The following GTF2F1 variants were observed in gnomAD, a reference collection of about 807,000 sequenced individuals.
GTF2F1 encodes general transcription factor IIF subunit 1.
A neutral mutation model predicts 63.5 loss-of-function variants in GTF2F1; 39 were observed. The observed-to-expected ratio is 0.61, with a 90% CI of 0.48 to 0.80. The LOEUF (loss-of-function observed/expected upper bound fraction) is 0.80, where lower values mean the gene tolerates loss of function less well. GTF2F1 is among the 30% of genes least tolerant of loss of function. GTF2F1 has a pLI of 0.00. For synonymous variants in GTF2F1, 287 were observed against 285.3 expected, an observed-to-expected ratio of 1.01 and a Z score of -0.06; for missense variants, 657 against 718.3, an observed-to-expected ratio of 0.91 and a Z score of 0.97.
chr19:6,388,065 G>C (rs917503538), intron 4 of GTF2F1, among the ~76,000 whole-genome samples: 1 of 140,030 alleles, frequency 7.1e-6, no homozygotes, highest in Admixed American at 7.0e-5. Context: ...GAGTAGCTGG[G>C]ATTACAGGTG....
chr19:6,387,322 G>A (rs937032750), intron 5 of GTF2F1, 67 bp downstream of exon 5: 48 of 1,461,796 alleles, frequency 3.3e-5, no homozygotes, highest in Admixed American at 1.9e-4. Context: ...AGGGCCTGGT[G>A]ATATATCCAT....
At position 6,383,483 on chromosome 19, in the gene GTF2F1, C is replaced by T. The variant is rs768174606; in HGVS notation, c.510G>A (p.Val170=). Residue 170 remains valine, a synonymous_variant, in exon 6 of 13, where the codon GTG becomes GTA. Transcript: ENST00000394456. This position sits in a 1 kb window ranked among gnomAD's most constrained non-coding sequence, Gnocchi z 4.5. ...AEEEWERRNK[V]LNHFSIMQQR... ...GCTGCATGATGCTGAAGTGGTTCAGCACCTTGTTCCTCCTGCGGGCCAGGC... is the reference window on the plus strand; with the variant it reads ...GCTGCATGATGCTGAAGTGGTTCAGTACCTTGTTCCTCCTGCGGGCCAGGC... 6.2e-7 allele frequency: 1 copy of T among 1,613,084 alleles called. No individual in the cohort carries two copies. The highest frequency in any genetic ancestry group is 8.5e-7 in the Non-Finnish European group (1 of 1,179,474).
intron 5 of GTF2F1, among the ~76,000 whole-genome samples, chr19:6,384,545 T>C (rs77993193): frequency 6.6e-6 from 1 of 150,582 alleles, no homozygotes; most frequent in African/African-American, 2.4e-5. Flanking sequence ...TAGGAATGCA[T>C]CTAACATGGG....
At chr19:6,391,443 T>G (rs2091997022) in intron 3 of GTF2F1, among the ~76,000 whole-genome samples, 1 of 129,754 alleles carries the variant, frequency 7.7e-6, no homozygotes, top group Non-Finnish European at 1.6e-5. Context: ...ATTTCCGTTT[T>G]TTTTTTTTTT....
rs750319008 is a variant in GTF2F1 at position 6,387,434 on chromosome 19, C to T, written c.452G>A (p.Arg151Gln). ...CTCCTCGGCAGTGAGCGTGCGATGC[C>T]GGGCCAGCGGTGTGAAATTGTACCA... ...HNWYNFTPLA[R>Q]HRTLTAEEAE... The change falls in exon 5 of 13, where the codon CGG becomes CAG. Residue 151 changes from arginine to glutamine, a missense_variant. Physicochemically the swap from Arg to Gln is conservative, Grantham distance 43. Around this residue, in one of 2 missense-constraint regions of GTF2F1, gnomAD observed 602 missense variants for 625.6 expected, o/e 0.96. Transcript: ENST00000394456. 1.7e-5 allele frequency: 28 copies of T among 1,614,112 alleles called. No individual in the cohort carries two copies. The highest frequency in any genetic ancestry group is 8.9e-5 in the East Asian group (4 of 44,898).
rs923553778 is a variant in GTF2F1, at chr19:6,381,582, C to T, written c.870G>A (p.Lys290=). 6.2e-7 allele frequency: 1 copy of T among 1,613,758 alleles called. No homozygotes were observed. Among genetic ancestry groups the T allele is most frequent in the Admixed American group, 1.7e-5 (1 of 60,030 alleles). The part of the protein sequence containing the change: ...SSQEEPESKA[K]APQQEEGPKG... ...TGGGCCCCTCCTCCTGCTGCGGCGCCTTGGCCTTGCTCTCAGGCTCTTCTT... is the reference window on the plus strand; with the variant it reads ...TGGGCCCCTCCTCCTGCTGCGGCGCTTTGGCCTTGCTCTCAGGCTCTTCTT... Residue 290 remains lysine, a synonymous_variant, in exon 8 of 13, where the codon AAG becomes AAA. Coordinates refer to ENST00000394456, the MANE Select transcript of GTF2F1 (RefSeq NM_002096.3). This position sits in a 1 kb window ranked among gnomAD's most constrained non-coding sequence, Gnocchi z 4.1.
At chr19:6,388,128 C>G (rs974144029) in intron 4 of GTF2F1, among the ~76,000 whole-genome samples, 2 of 151,986 alleles carry the variant, frequency 1.3e-5, no homozygotes, top group Non-Finnish European at 2.9e-5. Flanking sequence ...CAGGGTTTCA[C>G]CATGTTGGCC....
rs199807691 is a variant in GTF2F1, at chr19:6,383,298, C to T, written c.682+13G>A. On this transcript the variant is annotated intron_variant, in intron 6 of 12. Coordinates refer to ENST00000394456, the MANE Select transcript of GTF2F1 (RefSeq NM_002096.3). This position sits in a 1 kb window ranked among gnomAD's most constrained non-coding sequence, Gnocchi z 4.5. ...GCACCTCTGTGACCTAATGCCCAGG[C>T]GCCCGTACTCACCCTCCTCACCACT... The T allele has an allele frequency of 3.1e-4, 502 of 1,612,414 alleles. 5 individuals carry two copies. In the South Asian group the frequency reaches 5.1e-3, roughly 16 times the overall value.
In GTF2F1 at chr19:6,387,326, T is replaced by C. The variant is rs2091977429; in HGVS notation, c.497+63A>G. On this transcript the variant is annotated intron_variant, in intron 5 of 12. Coordinates refer to ENST00000394456, the MANE Select transcript of GTF2F1 (RefSeq NM_002096.3). ...GCTCCCAGCACAGGGCCTGGTGATA[T>C]ATCCATGGCAAGGCACCCCATTTCC... 4.7e-6 allele frequency: 7 copies of C among 1,490,302 alleles called. No homozygotes were observed. The Admixed American group carries it at 1.0e-4, about 22-fold the overall frequency. 92.3% of individuals were successfully genotyped at this position (1,490,302 alleles called of 1,614,324 possible).
chr19:6,387,623 C>T lies in GTF2F1; in HGVS notation c.327-64G>A, dbSNP rs967451560. On this transcript the variant is annotated intron_variant, in intron 4 of 12. Coordinates refer to ENST00000394456, the MANE Select transcript of GTF2F1 (RefSeq NM_002096.3). ...CAGCCCCAGCCCCCCCGTGTCCCCC[C>T]GGGGCCTGCCTCCTTTATGGCACTT... The T allele has an allele frequency of 2.6e-5, 35 of 1,346,914 alleles. 1 individual carries two copies. The highest frequency in any genetic ancestry group is 1.7e-4 in the African/African-American group (12 of 70,666). The allele number at this position is 1,346,914 out of a possible 1,614,324, so 83.4% of individuals were successfully genotyped here.
Position 6,392,870 on chromosome 19 carries a change from C to T in GTF2F1, c.46G>A (p.Val16Ile). 1 of 1,614,028 alleles carries T rather than the reference C, an allele frequency of 6.2e-7. No homozygotes were observed. The highest frequency in any genetic ancestry group is 8.5e-7 in the Non-Finnish European group (1 of 1,179,964). ...PSSQNVTEYVVRVPKNTTKKY... is the reference protein window; with the variant it reads ...PSSQNVTEYVIRVPKNTTKKY... ...CTGGGGACTTACTTAGGAACTCGAA[C>T]GACGTATTCAGTGACATTCTGGCTG... The change falls in exon 2 of 13, where the codon GTT (valine) becomes ATT (isoleucine). Residue 16 changes from valine to isoleucine, a missense_variant. By Grantham distance (29) the Val-to-Ile change is conservative (BLOSUM62 3). Transcript: ENST00000394456.
At position 6,391,925 on chromosome 19, in the gene GTF2F1, C is replaced by T. The variant is rs757001649; in HGVS notation, c.109G>A (p.Val37Ile). The T allele has an allele frequency of 6.3e-7, 1 of 1,583,982 alleles. No individual in the cohort carries two copies. Among genetic ancestry groups the T allele is most frequent in the Non-Finnish European group, 8.6e-7 (1 of 1,163,200 alleles). The change falls in exon 3 of 13, where the codon GTC becomes ATC. Residue 37 changes from valine (V) to isoleucine (I), a missense_variant. Val to Ile is a conservative substitution (Grantham distance 29). Around this residue, in one of 2 missense-constraint regions of GTF2F1, gnomAD observed 602 missense variants for 625.6 expected, o/e 0.96. Coordinates refer to ENST00000394456, the MANE Select transcript of GTF2F1 (RefSeq NM_002096.3). ...ACCTGATTCCACGTAGCAAAGTTGA[C>T]TTTGTCGGCTGCATTAAAAGCCATG... ...NIMAFNAADK[V>I]NFATWNQARL...
At chr19:6,384,394 A>C (rs919285233) in intron 5 of GTF2F1, among the ~76,000 whole-genome samples, 8 of 151,998 alleles carry the variant, frequency 5.3e-5, no homozygotes, top group African/African-American at 1.9e-4. Flanking sequence ...TGTAGTCCTG[A>C]CTACTCAGGA....
At position 6,392,974 on chromosome 19, in the gene GTF2F1, C is replaced by T; in HGVS notation, c.12+10G>A. ...TCGGAACCCCCGAACCCCGCCAAAT[C>T]CACACTCACTAGGGCCGCCATGGGC... On this transcript the variant is annotated intron_variant, in intron 1 of 12. Coordinates refer to ENST00000394456, the MANE Select transcript of GTF2F1 (RefSeq NM_002096.3). 1 of 1,614,168 alleles carries T rather than the reference C, an allele frequency of 6.2e-7. No individual in the cohort carries two copies. The highest frequency in any genetic ancestry group is 2.2e-5 in the East Asian group (1 of 44,882).
rs778697251 is a variant in GTF2F1, at chr19:6,380,068, G to C, written c.*213C>G. On this transcript the variant is annotated 3_prime_UTR_variant, in exon 13 of 13. Transcript: ENST00000394456. This position sits in a 1 kb window ranked among gnomAD's most constrained non-coding sequence, Gnocchi z 5.3. The stretch of plus-strand genomic sequence containing the variant: ...TAACAGGCATCTGAAGATTCCAGAA[G>C]GAAGGGCCAGAGGAGGAGATGGCTT... 85 of 606,378 alleles carry C rather than the reference G, an allele frequency of 1.4e-4. No homozygotes were observed. The highest frequency in any genetic ancestry group is 2.1e-4 in the Non-Finnish European group (71 of 340,508). The allele number at this position is 606,378 out of a possible 1,614,324, so 37.6% of individuals were successfully genotyped here.
Position 6,383,543 on chromosome 19 carries a change from G to A in GTF2F1, c.498-48C>T, listed in dbSNP as rs1411087630. The A allele has an allele frequency of 2.5e-6, 4 of 1,590,308 alleles. No homozygotes were observed. Among genetic ancestry groups the A allele is most frequent in the East Asian group, 4.5e-5 (2 of 44,582 alleles). On this transcript the variant is annotated intron_variant, in intron 5 of 12. Coordinates refer to ENST00000394456, the MANE Select transcript of GTF2F1 (RefSeq NM_002096.3). The surrounding 1 kb of genome is among the most constrained non-coding windows in gnomAD (Gnocchi z 4.5). ...CTCATGCCGGGCCTGGCACCACCCT[G>A]CATCTGTGCTTGCAGGGGGCGAGCC... is the stretch of plus-strand genomic sequence containing the variant.
At position 6,387,653 on chromosome 19, in the gene GTF2F1, T is replaced by C. The variant is rs991768400; in HGVS notation, c.327-94A>G. Reference sequence around the variant, plus strand: ...CCTGCCTCCTTTATGGCACTTGCCATAGGAGGAAGACCAAGAAATGCCCAT... The same window carrying C: ...CCTGCCTCCTTTATGGCACTTGCCACAGGAGGAAGACCAAGAAATGCCCAT... On this transcript the variant is annotated intron_variant, in intron 4 of 12. Coordinates refer to ENST00000394456, the MANE Select transcript of GTF2F1 (RefSeq NM_002096.3). 27 of 1,021,444 alleles carry C rather than the reference T, an allele frequency of 2.6e-5. 2 individuals are homozygous for C. Among genetic ancestry groups the C allele is most frequent in the Non-Finnish European group, 3.6e-5 (25 of 688,426 alleles). 63.3% of individuals were successfully genotyped at this position (1,021,444 alleles called of 1,614,324 possible). A position where few individuals can be genotyped will look rare whatever the true frequency, so the allele number is the denominator to read the frequency against.
chr19:6,383,264 C>T lies in GTF2F1; in HGVS notation c.682+47G>A, dbSNP rs778084660. 1 of 1,590,428 alleles carries T rather than the reference C, an allele frequency of 6.3e-7. No homozygotes were observed. Among genetic ancestry groups the T allele is most frequent in the Non-Finnish European group, 8.6e-7 (1 of 1,162,862 alleles). ...GTAGACTTTGCCTTCACTGGCACTGCCTGAGCAGGCACCTCTGTGACCTAA... is the reference window on the plus strand; with the variant it reads ...GTAGACTTTGCCTTCACTGGCACTGTCTGAGCAGGCACCTCTGTGACCTAA... On this transcript the variant is annotated intron_variant, in intron 6 of 12. Coordinates refer to ENST00000394456, the MANE Select transcript of GTF2F1 (RefSeq NM_002096.3). This position sits in a 1 kb window ranked among gnomAD's most constrained non-coding sequence, Gnocchi z 4.5.
rs2145072077 is a variant in GTF2F1 at position 6,381,257 on chromosome 19, C to T, written c.1019-62G>A. The T allele has an allele frequency of 6.4e-7, 1 of 1,561,982 alleles. No homozygotes were observed. The stretch of plus-strand genomic sequence containing the variant: ...CCCCGGGACCCGGTGCCCACTGGTG[C>T]CTCCACTGCAGATGAGGGAGGCCTG... On this transcript the variant is annotated intron_variant, in intron 9 of 12. Transcript: ENST00000394456. This position sits in a 1 kb window ranked among gnomAD's most constrained non-coding sequence, Gnocchi z 4.1.
Sources: allele counts gnomAD v4.1 joint callset (sites outside exome capture counted in the v4.1 genomes callset), GRCh38; gene constraint gnomAD v4.1.1; regional missense constraint gnomAD v4.1.1; non-coding constraint Gnocchi (gnomAD v3.1); transcripts MANE v1.5; gene names NCBI Gene and HGNC (gene_info 2026-07-23, HGNC 2026-07-21).